The following GPC6 variants were observed in gnomAD, a reference collection of about 807,000 sequenced individuals.
GPC6 encodes glypican 6.
GPC6 carries 14 observed loss-of-function variants against 55.2 expected under a neutral mutation model. That is an observed-to-expected ratio of 0.25 (90% confidence interval 0.17 to 0.40). GPC6 has a LOEUF of 0.40. Among genes scored for constraint, GPC6 ranks in the 10% least tolerant of loss-of-function variants. The pLI is 1.00. For synonymous variants in GPC6, 278 were observed against 259.6 expected, an observed-to-expected ratio of 1.07 and a Z score of -0.68; for missense variants, 641 against 708.5, an observed-to-expected ratio of 0.90 and a Z score of 1.08.
chr13:93,585,294 A>T (rs1877140691), intron 2 of GPC6, among the ~76,000 whole-genome samples: 1 of 152,148 alleles, frequency 6.6e-6, no homozygotes, highest in Non-Finnish European at 1.5e-5. Flanking sequence ...TTTACAGAAG[A>T]GTTTGGGTTA....
chr13:94,208,048 A>G (rs767228338), intron 4 of GPC6, among the ~76,000 whole-genome samples: 19 of 152,192 alleles, frequency 1.2e-4, no homozygotes, highest in Non-Finnish European at 2.6e-4. Flanking sequence ...AGAGATTAGT[A>G]GTTTTTACAT....
At chr13:93,533,792 C>T (rs1256041100) in intron 1 of GPC6, among the ~76,000 whole-genome samples, 2 of 150,006 alleles carry the variant, frequency 1.3e-5, no homozygotes, top group African/African-American at 5.0e-5. Flanking sequence ...TGCTGTCAGC[C>T]ACCTCTTTAG....
intron 2 of GPC6, among the ~76,000 whole-genome samples, chr13:93,668,559 C>G (rs1881233848): frequency 1.3e-5 from 2 of 152,066 alleles, no homozygotes; most frequent in African/African-American, 4.8e-5. Context: ...GGACCCAAAT[C>G]CAATGACAAG....
At chr13:93,574,410 C>T (rs1186107363) in intron 2 of GPC6, among the ~76,000 whole-genome samples, 2 of 152,178 alleles carry the variant, frequency 1.3e-5, no homozygotes, top group Non-Finnish European at 2.9e-5. Context: ...AAACACTAGA[C>T]GCTAGGCAGA....
chr13:93,762,334 GT>G (rs578256994), intron 2 of GPC6, among the ~76,000 whole-genome samples: 149 of 152,280 alleles, frequency 9.8e-4, no homozygotes, highest in Middle Eastern at 3.4e-3. Flanking sequence ...AGGAAATTTC[GT>G]TGATAGTGTA....
intron 4 of GPC6, among the ~76,000 whole-genome samples, chr13:94,210,337 A>T (rs1890041086): frequency 6.6e-6 from 1 of 151,500 alleles, no homozygotes. Context: ...TTGTATTTTT[A>T]GTAGAGACGG....
intron 6 of GPC6, among the ~76,000 whole-genome samples, chr13:94,374,782 C>G (rs1490979030): frequency 7.7e-6 from 1 of 130,626 alleles, no homozygotes; most frequent in East Asian, 2.2e-4. Context: ...CACACCACAC[C>G]TATTCCAAAA....
At chr13:93,699,129 A>G (rs1474859915) in intron 2 of GPC6, among the ~76,000 whole-genome samples, 4 of 152,138 alleles carry the variant, frequency 2.6e-5, no homozygotes, top group Non-Finnish European at 2.9e-5. Flanking sequence ...GGCACAAGGG[A>G]GGGAGCCCAG....
At chr13:93,288,882 G>A (rs9584102) in intron 1 of GPC6, among the ~76,000 whole-genome samples, 16,378 of 152,126 alleles carry the variant, frequency 0.11, 1,133 homozygotes, top group East Asian at 0.36. Flanking sequence ...ACCACTTCAT[G>A]AGTAAATGTA....
intron 1 of GPC6, among the ~76,000 whole-genome samples, chr13:93,408,159 G>A (rs1173498671): frequency 1.3e-5 from 2 of 152,144 alleles, no homozygotes; most frequent in African/African-American, 4.8e-5. Flanking sequence ...CCCTAACAAT[G>A]TCATCTATGG....
intron 3 of GPC6, among the ~76,000 whole-genome samples, chr13:93,868,028 C>T (rs760666935): frequency 6.6e-6 from 1 of 151,690 alleles, no homozygotes; most frequent in Non-Finnish European, 1.5e-5. Flanking sequence ...TGAGGTTACT[C>T]GGGAGAATGC....
At chr13:93,588,305 AAAC>A (rs1175176224) in intron 2 of GPC6, among the ~76,000 whole-genome samples, 4 of 152,198 alleles carry the variant, frequency 2.6e-5, no homozygotes, top group African/African-American at 9.6e-5. Context: ...TAAAATTTGA[AAAC>A]AAACAAACAA....
intron 1 of GPC6, among the ~76,000 whole-genome samples, chr13:93,349,915 A>G (rs1047616109): frequency 6.6e-6 from 1 of 152,340 alleles, no homozygotes; most frequent in Admixed American, 6.5e-5. Context: ...TATGTCAAGT[A>G]TTGGGTTAAA....
At chr13:93,409,216 G>A (rs1186862852) in intron 1 of GPC6, among the ~76,000 whole-genome samples, 4 of 151,480 alleles carry the variant, frequency 2.6e-5, no homozygotes, top group African/African-American at 9.7e-5. Flanking sequence ...TAGTTGTCAC[G>A]TATTACTGCC....
At chr13:93,312,253 T>A (rs1481617877) in intron 1 of GPC6, among the ~76,000 whole-genome samples, 4 of 152,212 alleles carry the variant, frequency 2.6e-5, no homozygotes. Flanking sequence ...GAGCAGATTT[T>A]CTCATTATTC....
At chr13:93,821,177 A>G (rs1887033146) in intron 2 of GPC6, among the ~76,000 whole-genome samples, 1 of 152,200 alleles carries the variant, frequency 6.6e-6, no homozygotes, top group South Asian at 2.1e-4. Context: ...TCTCTGTGAT[A>G]TATCATCTTT....
At chr13:93,486,332 A>T (rs1879710802) in intron 1 of GPC6, among the ~76,000 whole-genome samples, 1 of 152,202 alleles carries the variant, frequency 6.6e-6, no homozygotes, top group Non-Finnish European at 1.5e-5. Context: ...CCAAATGTTC[A>T]TGGCCTGCAG....
intron 6 of GPC6, among the ~76,000 whole-genome samples, chr13:94,357,070 CT>C (rs1435841054): frequency 6.6e-6 from 1 of 152,158 alleles, no homozygotes; most frequent in African/African-American, 2.4e-5. Flanking sequence ...AGCGCCATAC[CT>C]GTGTATCCTT....
intron 1 of GPC6, among the ~76,000 whole-genome samples, chr13:93,399,084 G>A (rs371993440): frequency 2.4e-5 from 3 of 125,836 alleles, no homozygotes; most frequent in African/African-American, 5.7e-5. Context: ...ACACACACAC[G>A]TGCACACAAG....
Sources: gnomAD v4.1 joint callset for allele counts (sites outside exome capture counted in the v4.1 genomes callset) on GRCh38, gnomAD v4.1.1 for gene constraint, MANE v1.5 for transcripts, NCBI Gene and HGNC (gene_info 2026-07-23, HGNC 2026-07-21) for gene names.